GDPD2: variants seen among roughly 807,000 people sequenced by gnomAD.
GDPD2 encodes glycerophosphodiester phosphodiesterase domain containing 2, also known as glycerophosphodiester phosphodiesterase 3.
Under a neutral mutation model 49.2 loss-of-function variants are expected in GDPD2, and 23 were observed. The observed-to-expected ratio is 0.47, with a 90% CI of 0.34 to 0.66. GDPD2 has a LOEUF of 0.66. GDPD2 is among the 30% of genes least tolerant of loss of function. The pLI is 0.01. For missense variants in GDPD2, 338 were observed against 424.7 expected (o/e 0.80, Z 1.79); for synonymous variants, 167 against 171.4 (o/e 0.97, Z 0.20).
In GDPD2 at chrX:70,432,620, T is replaced by G; in HGVS notation, c.1497T>G (p.Cys499Trp). The G allele has an allele frequency of 1.7e-6, 2 of 1,206,758 alleles. No homozygotes were observed. The highest frequency in any genetic ancestry group is 1.1e-6 in the Non-Finnish European group (1 of 890,985). Residue 499 changes from cysteine (C) to tryptophan (W), a missense_variant, in exon 14 of 16, where the codon TGT (cysteine) becomes TGG (tryptophan). Cys to Trp is a radical substitution (Grantham distance 215). Coordinates refer to ENST00000374382, the MANE Select transcript of GDPD2 (RefSeq NM_017711.4). ...TAATCATATGGGTCATTACCAATTG[T>G]GTTTCCACCATGCTGCTTTTGTGGA... ...TYLIIWVITN[C>W]VSTMLLLWTF...
At chrX:70,432,833 T>TG (rs1009261641) in intron 14 of GDPD2, 79 bp from the exon 15 acceptor site, 9 of 843,225 alleles carry the variant, frequency 1.1e-5, no homozygotes. Flanking sequence ...GAAAGGCAGT[T>TG]GGGGGGAGCA....
At position 70,431,084 on chromosome X, in the gene GDPD2, C is replaced by A. The variant is rs747608548; in HGVS notation, c.1307+1021C>A. ...ATTACAGGCCTGAGCCACTGCCCCCCTCAGCCTCCCGGTTATAAGCATGAG... is the reference window on the plus strand; with the variant it reads ...ATTACAGGCCTGAGCCACTGCCCCCATCAGCCTCCCGGTTATAAGCATGAG... On this transcript the variant is annotated intron_variant, in intron 12 of 15. Transcript: ENST00000374382. The A allele has an allele frequency of 4.4e-6, 5 of 1,140,500 alleles. No homozygotes were observed. In the East Asian group the frequency reaches 1.3e-4, roughly 30 times the overall value. 94.0% of individuals were successfully genotyped at this position (1,140,500 alleles called of 1,213,427 possible). A position where few individuals can be genotyped will look rare whatever the true frequency, so the allele number is the denominator to read the frequency against.
chrX:70,429,719 T>C lies in GDPD2; in HGVS notation c.1158+5T>C. ...GCAAGGGTGCCCCAAGCCATGGTGATGTTGCCAGGACCCCCTCTCCCCACC... is the reference window on the plus strand; with the variant it reads ...GCAAGGGTGCCCCAAGCCATGGTGACGTTGCCAGGACCCCCTCTCCCCACC... On this transcript the variant is annotated splice_donor_5th_base_variant and intron_variant, in intron 11 of 15. Transcript: ENST00000374382. 8.6e-7 allele frequency: 1 copy of C among 1,166,405 alleles called. No individual in the cohort carries two copies.
At position 70,433,134 on chromosome X, in the gene GDPD2, A is replaced by T. The variant is rs1286878607; in HGVS notation, c.*48A>T. ...CCAAGCCAGTCTACATTGCCCAAAC[A>T]GCAAGGGTTGGAGAGTGGCTTAAGT... On this transcript the variant is annotated 3_prime_UTR_variant, in exon 16 of 16. Coordinates refer to ENST00000374382, the MANE Select transcript of GDPD2 (RefSeq NM_017711.4). 4 of 1,010,706 alleles carry T rather than the reference A, an allele frequency of 4.0e-6. No individual in the cohort carries two copies. Among genetic ancestry groups the T allele is most frequent in the Non-Finnish European group, 5.6e-6 (4 of 717,791 alleles). The allele number at this position is 1,010,706 out of a possible 1,213,427, so 83.3% of individuals were successfully genotyped here.
chrX:70,429,519 G>T lies in GDPD2; in HGVS notation c.963G>T (p.Pro321=). The change falls in exon 11 of 16, where the codon CCG becomes CCT. Residue 321 remains proline (P), a synonymous_variant. Transcript: ENST00000374382. The part of the protein sequence containing the change: ...LERRPFWGAK[P]LAGPDQKEAE... ...GGCGACCCTTCTGGGGGGCCAAACC[G>T]CTGGCAGGCCCTGATCAGAAAGAGG... is the stretch of plus-strand genomic sequence containing the variant. The T allele has an allele frequency of 8.3e-7, 1 of 1,206,228 alleles. No homozygotes were observed. The highest frequency in any genetic ancestry group is 1.1e-6 in the Non-Finnish European group (1 of 890,897).
In GDPD2 at chrX:70,426,025, A is replaced by G. The variant is rs776013554; in HGVS notation, c.304-27A>G. On this transcript the variant is annotated intron_variant, in intron 4 of 15. Transcript: ENST00000374382. ...AACCTTGCTCCCCTCTTGGCACCCC[A>G]TAAGTCCCACTGCTCTCTTCCTCTA... is the stretch of plus-strand genomic sequence containing the variant. The G allele has an allele frequency of 4.2e-6, 5 of 1,186,086 alleles. No individual in the cohort carries two copies. In the South Asian group the frequency reaches 5.3e-5, roughly 13 times the overall value.
intron 8 of GDPD2, 21 bp downstream of exon 8, chrX:70,427,032 T>C (rs1569259847): frequency 2.0e-6 from 2 of 978,986 alleles, no homozygotes; most frequent in South Asian, 3.8e-5. Context: ...GACAGAATGC[T>C]GGGAGGGTGG....
intron 6 of GDPD2, 46 bp downstream of exon 6, chrX:70,426,515 G>A: frequency 1.8e-6 from 2 of 1,117,763 alleles, no homozygotes; most frequent in Non-Finnish European, 2.5e-6. Context: ...TTGGCTTGCA[G>A]CCAACCCTAG....
intron 7 of GDPD2, 47 bp from the exon 8 acceptor site, chrX:70,426,819 G>A (rs1347643641): frequency 1.8e-5 from 21 of 1,192,305 alleles, no homozygotes; most frequent in Non-Finnish European, 2.4e-5. Context: ...CATCCCCAGA[G>A]CTCTCCCCTT....
intron 10 of GDPD2, 128 bp downstream of exon 10, chrX:70,427,591 C>A: frequency 1.9e-6 from 1 of 525,661 alleles, no homozygotes; most frequent in South Asian, 3.5e-5. Flanking sequence ...GCTCTCAAGT[C>A]ACTTCCACCT....
Position 70,426,420 on chromosome X carries a change from TGGACA to T in GDPD2, c.414_418del (p.Asp139ProfsTer8). The T allele has an allele frequency of 1.7e-6, 2 of 1,211,877 alleles. No individual in the cohort carries two copies. The highest frequency in any genetic ancestry group is 2.2e-6 in the Non-Finnish European group (2 of 895,351). On this transcript the variant is annotated frameshift_variant, in exon 6 of 16. Transcript: ENST00000374382. LOFTEE classifies it high-confidence loss of function. Reference sequence around the variant, plus strand: ...CTTGTGGCGGCTGGCCTTGTGGGACTGGACATCCAATGGCAGCAGGAGTGGCATAG... The same window carrying T: ...CTTGTGGCGGCTGGCCTTGTGGGACTTCCAATGGCAGCAGGAGTGGCATAG...
chrX:70,432,598 T>C lies in GDPD2; in HGVS notation c.1475T>C (p.Ile492Thr), dbSNP rs750821117. Residue 492 changes from isoleucine (I) to threonine (T), a missense_variant, in exon 14 of 16, where the codon ATC (isoleucine) becomes ACC (threonine). Ile to Thr is a moderately conservative substitution (Grantham distance 89, BLOSUM62 -1). Coordinates refer to ENST00000374382, the MANE Select transcript of GDPD2 (RefSeq NM_017711.4). ...IWLITPQTYL[I>T]IWVITNCVST... is the part of the protein sequence containing the mutation. Reference sequence around the variant, plus strand: ...TCACAGACCCCTCAAACCTACCTAATCATATGGGTCATTACCAATTGTGTT... The same window carrying C: ...TCACAGACCCCTCAAACCTACCTAACCATATGGGTCATTACCAATTGTGTT... The C allele has an allele frequency of 2.5e-6, 3 of 1,198,607 alleles. No individual in the cohort carries two copies. The highest frequency in any genetic ancestry group is 3.4e-6 in the Non-Finnish European group (3 of 885,372).
chrX:70,433,131 A>C lies in GDPD2; in HGVS notation c.*45A>C. On this transcript the variant is annotated 3_prime_UTR_variant, in exon 16 of 16. Transcript: ENST00000374382. ...CACCCAAGCCAGTCTACATTGCCCA[A>C]ACAGCAAGGGTTGGAGAGTGGCTTA... The C allele has an allele frequency of 9.9e-7, 1 of 1,014,067 alleles. No individual in the cohort carries two copies. Among genetic ancestry groups the C allele is most frequent in the Non-Finnish European group, 1.4e-6 (1 of 720,179 alleles). The allele number at this position is 1,014,067 out of a possible 1,213,427, so 83.6% of individuals were successfully genotyped here. A position where few individuals can be genotyped will look rare whatever the true frequency, so the allele number is the denominator to read the frequency against.
In GDPD2 at chrX:70,426,105, C is replaced by T. The variant is rs1050366292; in HGVS notation, c.357C>T (p.Leu119=). The T allele has an allele frequency of 1.2e-5, 14 of 1,194,527 alleles. No homozygotes were observed. The highest frequency in any genetic ancestry group is 1.6e-5 in the Non-Finnish European group (14 of 880,820). ...GACAGCCCCTGCATCTGCACAGCCT[C>T]CACAAGGTACAGTAGGGATGGGAGT... The part of the protein sequence containing the change: ...LCRQPLHLHS[L]HKVLLLLIML... The change falls in exon 5 of 16, where the codon CTC becomes CTT. Residue 119 remains leucine (L), a synonymous_variant. Coordinates refer to ENST00000374382, the MANE Select transcript of GDPD2 (RefSeq NM_017711.4).
chrX:70,433,213 G>GT lies in GDPD2; in HGVS notation c.*131dup. On this transcript the variant is annotated 3_prime_UTR_variant, in exon 16 of 16. Coordinates refer to ENST00000374382, the MANE Select transcript of GDPD2 (RefSeq NM_017711.4). ...GTGGGGGGAGCTTTGCCAACAGGAGGTTTTGAACCATGAGGGCCCTCTGCC... is the reference window on the plus strand; with the variant it reads ...GTGGGGGGAGCTTTGCCAACAGGAGGTTTTTGAACCATGAGGGCCCTCTGCC... 1.9e-6 allele frequency: 1 copy of GT among 530,684 alleles called. No homozygotes were observed. 43.7% of individuals were successfully genotyped at this position (530,684 alleles called of 1,213,427 possible).
chrX:70,429,151 A>G (rs750166851), intron 10 of GDPD2, among the ~76,000 whole-genome samples: 5 of 111,743 alleles, frequency 4.5e-5, no homozygotes, highest in Admixed American at 3.8e-4. Flanking sequence ...ATGGAAAAGT[A>G]GTTCAAGCTG....
At position 70,431,039 on chromosome X, in the gene GDPD2, C is replaced by T. The variant is rs951223856; in HGVS notation, c.1307+976C>T. 28 of 809,420 alleles carry T rather than the reference C, an allele frequency of 3.5e-5. No homozygotes were observed. Among genetic ancestry groups the T allele is most frequent in the Non-Finnish European group, 4.8e-5 (27 of 561,685 alleles). The allele number at this position is 809,420 out of a possible 1,213,427, so 66.7% of individuals were successfully genotyped here. On this transcript the variant is annotated intron_variant, in intron 12 of 15. Coordinates refer to ENST00000374382, the MANE Select transcript of GDPD2 (RefSeq NM_017711.4). ...CTGGCCTCAAGCAATCTTCCTGCCT[C>T]GGCCTCCCAAAGTGCTGGGATTACA...
chrX:70,425,796 C>T lies in GDPD2; in HGVS notation c.243C>T (p.Asp81=). The change falls in exon 4 of 16, where the codon GAC becomes GAT. Residue 81 remains aspartate (D), a synonymous_variant. Coordinates refer to ENST00000374382, the MANE Select transcript of GDPD2 (RefSeq NM_017711.4). The part of the protein sequence containing the change: ...FLFRRWGHWM[D]WSLAFLLVIS... ...TCCGCCGCTGGGGACACTGGATGGA[C>T]TGGTCCCTGGCATTCCTGCTGGTCA... is the stretch of plus-strand genomic sequence containing the variant. 1 of 1,198,552 alleles carries T rather than the reference C, an allele frequency of 8.3e-7. No homozygotes were observed. The highest frequency in any genetic ancestry group is 1.1e-6 in the Non-Finnish European group (1 of 883,773).
Position 70,429,515 on chromosome X carries a change from A to C in GDPD2, c.959A>C (p.Lys320Thr), listed in dbSNP as rs774804306. ...TAGAGGCGACCCTTCTGGGGGGCCA[A>C]ACCGCTGGCAGGCCCTGATCAGAAA... ...FLERRPFWGAKPLAGPDQKEA... is the reference protein window; with the variant it reads ...FLERRPFWGATPLAGPDQKEA... The change falls in exon 11 of 16, where the codon AAA becomes ACA. Residue 320 changes from lysine to threonine, a missense_variant. Coordinates refer to ENST00000374382, the MANE Select transcript of GDPD2 (RefSeq NM_017711.4). 1 of 1,203,653 alleles carries C rather than the reference A, an allele frequency of 8.3e-7. No individual in the cohort carries two copies. Among genetic ancestry groups the C allele is most frequent in the African/African-American group, 1.8e-5 (1 of 57,043 alleles).
Sources: allele counts gnomAD v4.1 joint callset (sites outside exome capture counted in the v4.1 genomes callset), GRCh38; gene constraint gnomAD v4.1.1; transcripts MANE v1.5; gene names NCBI Gene and HGNC (gene_info 2026-07-23, HGNC 2026-07-21).